The following CEP112 variants were observed in gnomAD, a reference collection of about 807,000 sequenced individuals.
CEP112 encodes the protein centrosomal protein 112.
A neutral mutation model predicts 153.0 loss-of-function variants in CEP112; 127 were observed. The ratio of observed to expected loss-of-function variants is 0.83; its 90% CI spans 0.72 to 0.96. The LOEUF (loss-of-function observed/expected upper bound fraction) is 0.96. Ranked by LOEUF, CEP112 falls within the 40% of genes least tolerant of loss-of-function variation. CEP112 has a pLI of 0.00. For synonymous variants in CEP112, 358 were observed against 374.4 expected (o/e 0.96, Z 0.51); for missense variants, 1,089 against 1,101.2 (o/e 0.99, Z 0.16).
chr17:65,781,931 T>C (rs1233620761), intron 21 of CEP112, among the ~76,000 whole-genome samples: 1 of 152,200 alleles, frequency 6.6e-6, no homozygotes, highest in Non-Finnish European at 1.5e-5. Flanking sequence ...AACACCATTC[T>C]GGACCTTGGC....
chr17:65,994,114 C>T (rs781470744), intron 17 of CEP112, among the ~76,000 whole-genome samples: 14 of 151,816 alleles, frequency 9.2e-5, no homozygotes, highest in African/African-American at 1.4e-4. Flanking sequence ...ATGGCCAATA[C>T]GGCTTGTGGC....
At chr17:65,714,738 T>A (rs1445854570) in intron 23 of CEP112, among the ~76,000 whole-genome samples, 1 of 152,174 alleles carries the variant, frequency 6.6e-6, no homozygotes, top group Non-Finnish European at 1.5e-5. Flanking sequence ...AGCAATCCCA[T>A]ATTCTGGTAA....
intron 23 of CEP112, among the ~76,000 whole-genome samples, chr17:65,712,899 A>G (rs1431945666): frequency 1.3e-5 from 2 of 152,120 alleles, no homozygotes; most frequent in Non-Finnish European, 2.9e-5. Flanking sequence ...TGAGGCTTGC[A>G]TTCATGCCAA....
chr17:66,162,900 T>C (rs1429839229), intron 4 of CEP112, among the ~76,000 whole-genome samples: 2 of 152,166 alleles, frequency 1.3e-5, no homozygotes, highest in Non-Finnish European at 2.9e-5. Context: ...GTGTTGTATT[T>C]TGATTTTAAC....
chr17:66,029,870 T>C lies in CEP112; in HGVS notation c.1372A>G (p.Arg458Gly). The C allele has an allele frequency of 6.2e-7, 1 of 1,612,776 alleles. No individual in the cohort carries two copies. Among genetic ancestry groups the C allele is most frequent in the South Asian group, 1.1e-5 (1 of 90,934 alleles). The change falls in exon 13 of 27, where the codon AGG (arginine) becomes GGG (glycine). Residue 458 changes from arginine (R) to glycine (G), a missense_variant and splice_region_variant. By Grantham distance (125) the Arg-to-Gly change is moderately radical (BLOSUM62 -2). Transcript: ENST00000535342. Reference protein sequence around the residue: ...TCSELQEVKARRNTLHKEKDH... With the variant: ...TCSELQEVKAGRNTLHKEKDH... ...TAAATATCTGATTTCAGACAATACC[T>C]TGCCTTTACTTCTTGTAATTCACTA...
intron 24 of CEP112, among the ~76,000 whole-genome samples, chr17:65,652,543 T>C (rs745645306): frequency 6.6e-6 from 1 of 152,072 alleles, no homozygotes; most frequent in Non-Finnish European, 1.5e-5. Context: ...TTTAGCCAAT[T>C]CTCTATCATT....
At chr17:65,692,402 T>C (rs957354484) in intron 23 of CEP112, among the ~76,000 whole-genome samples, 2 of 152,026 alleles carry the variant, frequency 1.3e-5, no homozygotes, top group African/African-American at 4.8e-5. Flanking sequence ...TAATTTTTTA[T>C]ATTTTTAGTA....
chr17:66,167,750 C>T (rs2072040703), intron 4 of CEP112, among the ~76,000 whole-genome samples: 1 of 152,148 alleles, frequency 6.6e-6, no homozygotes, highest in Admixed American at 6.5e-5. Context: ...ATATTGGATC[C>T]ATCACTGGAA....
chr17:66,132,841 T>A, intron 4 of CEP112, 78 bp from the exon 5 acceptor site: 1 of 973,436 alleles, frequency 1.0e-6, no homozygotes, highest in Non-Finnish European at 1.6e-6. Context: ...GATTACCATT[T>A]CTTTCCCTTG....
intron 4 of CEP112, among the ~76,000 whole-genome samples, chr17:66,144,457 C>A (rs142110679): frequency 6.6e-6 from 1 of 152,270 alleles, no homozygotes; most frequent in African/African-American, 2.4e-5. Context: ...CTTTGGGAGG[C>A]CGAGGCAGGC....
At chr17:65,959,137 C>G (rs2062105688) in intron 18 of CEP112, among the ~76,000 whole-genome samples, 1 of 152,120 alleles carries the variant, frequency 6.6e-6, no homozygotes, top group South Asian at 2.1e-4. Flanking sequence ...CCATGGCCTC[C>G]TCTCTACTGA....
intron 21 of CEP112, among the ~76,000 whole-genome samples, chr17:65,830,868 A>G (rs1371401576): frequency 6.6e-6 from 1 of 152,244 alleles, no homozygotes. Context: ...ACCAGAAAAC[A>G]GTGGCAGGCA....
chr17:65,970,671 T>C (rs923048483), intron 17 of CEP112, among the ~76,000 whole-genome samples: 16 of 152,074 alleles, frequency 1.1e-4, no homozygotes, highest in Admixed American at 1.0e-3. Flanking sequence ...ACATGCATAT[T>C]ACACGCATAT....
At chr17:65,848,068 C>G (rs2057792518) in intron 21 of CEP112, among the ~76,000 whole-genome samples, 1 of 152,184 alleles carries the variant, frequency 6.6e-6, no homozygotes, top group South Asian at 2.1e-4. Flanking sequence ...CATCAATGAT[C>G]TCTGATTCTT....
Position 65,637,122 on chromosome 17 carries a change from A to G in CEP112, c.2864+2T>C, listed in dbSNP as rs2044813205. 2 of 1,613,012 alleles carry G rather than the reference A, an allele frequency of 1.2e-6. No individual in the cohort carries two copies. Among genetic ancestry groups the G allele is most frequent in the Non-Finnish European group, 1.7e-6 (2 of 1,178,952 alleles). ...GACAAGACACCTGCTTATGGGCTGT[A>G]CCTTCTGCCTTGATATGTAGTCAGT... On this transcript the variant is annotated splice_donor_variant, in intron 26 of 26. Coordinates refer to ENST00000535342, the MANE Select transcript of CEP112 (RefSeq NM_001199165.4). LOFTEE classifies it high-confidence loss of function.
chr17:65,941,259 A>T (rs2061497711), intron 18 of CEP112, among the ~76,000 whole-genome samples: 1 of 152,088 alleles, frequency 6.6e-6, no homozygotes, highest in South Asian at 2.1e-4. Flanking sequence ...TAAAATATTT[A>T]AAATGTTAAA....
In CEP112 at chr17:65,751,950, CCTTCTATCTAT is replaced by C. The variant is rs1567961712; in HGVS notation, c.2395-1237_2395-1227del. On this transcript the variant is annotated intron_variant, in intron 21 of 26. Coordinates refer to ENST00000535342, the MANE Select transcript of CEP112 (RefSeq NM_001199165.4). ...ACTGCGTCATGCCTTGCAATACAGT[CCTTCTATCTAT>C]CTATCTATCTATCTATCTATCTATC... Among the ~76,000 whole-genome samples the C allele has an allele frequency of 4.9e-5, 6 of 123,210 alleles. No homozygotes were observed. The South Asian group carries it at 1.8e-3, about 37-fold the overall frequency. The allele number at this position is 123,210 out of a possible 152,430, so 80.8% of individuals were successfully genotyped here.
chr17:65,736,161 T>C (rs1266114115), intron 23 of CEP112, among the ~76,000 whole-genome samples: 1 of 150,506 alleles, frequency 6.6e-6, no homozygotes, highest in Non-Finnish European at 1.5e-5. Flanking sequence ...GGGAATGGGG[T>C]ATGAGTTTGG....
chr17:66,188,946 AAAC>A (rs2073057204), intron 1 of CEP112, among the ~76,000 whole-genome samples: 1 of 152,210 alleles, frequency 6.6e-6, no homozygotes, highest in Non-Finnish European at 1.5e-5. Context: ...CCACGTACTC[AAAC>A]ATTTGCCTGA....
Sources: allele counts gnomAD v4.1 joint callset (sites outside exome capture counted in the v4.1 genomes callset), GRCh38; gene constraint gnomAD v4.1.1; transcripts MANE v1.5; gene names NCBI Gene and HGNC (gene_info 2026-07-23, HGNC 2026-07-21).